Variants in CAPN5 observed in about 807,000 individuals in gnomAD.
The protein encoded by CAPN5 is calpain-5.
In CAPN5, 54 loss-of-function variants were observed where a neutral mutation model predicts 73.0. The ratio of observed to expected loss-of-function variants is 0.74; its 90% CI spans 0.59 to 0.93. The LOEUF (loss-of-function observed/expected upper bound fraction) is 0.93, where lower values mean the gene tolerates loss of function less well. CAPN5 is among the 40% of genes least tolerant of loss of function. The probability of loss-of-function intolerance (pLI) is 0.00; values close to 1 mark genes in which losing one functional copy is unlikely to be tolerated. For synonymous variants in CAPN5, 335 were observed against 356.9 expected (o/e 0.94, Z 0.69); for missense variants, 785 against 882.9 (o/e 0.89, Z 1.41).
At chr11:77,110,897 T>C (rs1388720062) in intron 3 of CAPN5, among the ~76,000 whole-genome samples, 1 of 152,174 alleles carries the variant, frequency 6.6e-6, no homozygotes, top group Non-Finnish European at 1.5e-5. Context: ...GGTGTGCCTC[T>C]GGTTCCTCCG....
intron 3 of CAPN5, among the ~76,000 whole-genome samples, chr11:77,112,092 G>T (rs190253475): frequency 1.3e-5 from 2 of 152,276 alleles, no homozygotes; most frequent in Admixed American, 1.3e-4. Context: ...GTCCCTGGGC[G>T]AGGAGATGGG....
Position 77,125,042 on chromosome 11 carries a change from G to C in CAPN5, c.*1172G>C, listed in dbSNP as rs1232381863. 4.6e-5 allele frequency: 7 copies of C among 152,284 alleles called. No homozygotes were observed. The highest frequency in any genetic ancestry group is 1.0e-4 in the Non-Finnish European group (7 of 68,042). 9.4% of individuals were successfully genotyped at this position (152,284 alleles called of 1,614,324 possible). A position where few individuals can be genotyped will look rare whatever the true frequency, so the allele number is the denominator to read the frequency against. On this transcript the variant is annotated 3_prime_UTR_variant, in exon 13 of 13. Transcript: ENST00000648180. ...GGTTTTAAAAGAAAATTGAAAGCCT[G>C]AACCTCCATTTTTCTTCTTGGCTCC...
intron 12 of CAPN5, among the ~76,000 whole-genome samples, chr11:77,123,216 A>G (rs917998118): frequency 6.6e-6 from 1 of 152,162 alleles, no homozygotes; most frequent in African/African-American, 2.4e-5. Flanking sequence ...CTTGATCAGC[A>G]TCTCTCTCAG....
At chr11:77,107,393 G>A (rs2135466102) in intron 3 of CAPN5, among the ~76,000 whole-genome samples, 1 of 152,238 alleles carries the variant, frequency 6.6e-6, no homozygotes, top group African/African-American at 2.4e-5. Context: ...GGGGTCCCAG[G>A]CAGAAATGTG....
Position 77,115,942 on chromosome 11 carries a change from A to T in CAPN5, c.894-284A>T, listed in dbSNP as rs939540717. Among the ~76,000 whole-genome samples, 7 of 152,062 alleles carry T rather than the reference A, an allele frequency of 4.6e-5. No homozygotes were observed. The East Asian group carries it at 1.4e-3, about 29-fold the overall frequency. ...GTGGAGCCCAGGTGCTAAGTGAAGG[A>T]GCCCTCTTCACTGGGGGTCGCACCC... On this transcript the variant is annotated intron_variant, in intron 6 of 12. Transcript: ENST00000648180.
intron 3 of CAPN5, among the ~76,000 whole-genome samples, chr11:77,105,316 C>G (rs1335276605): frequency 6.6e-6 from 1 of 152,144 alleles, no homozygotes; most frequent in Non-Finnish European, 1.5e-5. Flanking sequence ...CCCTTGCCAC[C>G]TTCCAAGGAG....
intron 1 of CAPN5, among the ~76,000 whole-genome samples, chr11:77,081,068 C>A (rs930879355): frequency 1.3e-5 from 2 of 152,152 alleles, no homozygotes; most frequent in African/African-American, 4.8e-5. Flanking sequence ...AGTGAGCCTT[C>A]CCTGGAGATG....
At chr11:77,088,251 G>A (rs1049585455) in intron 2 of CAPN5, among the ~76,000 whole-genome samples, 1 of 152,008 alleles carries the variant, frequency 6.6e-6, no homozygotes, top group Non-Finnish European at 1.5e-5. Context: ...AGTCTCGGGG[G>A]CCCCAGCCTC....
chr11:77,122,064 G>A lies in CAPN5; in HGVS notation c.1603+15G>A. 1 of 1,474,764 alleles carries A rather than the reference G, an allele frequency of 6.8e-7. No homozygotes were observed. The highest frequency in any genetic ancestry group is 2.5e-5 in the East Asian group (1 of 40,040). The allele number at this position is 1,474,764 out of a possible 1,614,324, so 91.4% of individuals were successfully genotyped here. ...CTCCCCAACAGGTGAGCTCTCCCAG[G>A]GAGAGTCCCCCGGCCCTCCTGCCAG... On this transcript the variant is annotated intron_variant, in intron 11 of 12. Coordinates refer to ENST00000648180, the MANE Select transcript of CAPN5 (RefSeq NM_004055.5).
Position 77,118,323 on chromosome 11 carries a change from C to T in CAPN5, c.1138C>T (p.His380Tyr). ...RQNRGGGCIN[H>Y]KDTFFQNPQY... ...GAACCGCGGTGGCGGCTGCATCAACCACAAGGACACCTTCTTCCAGAACCC... is the reference window on the plus strand; with the variant it reads ...GAACCGCGGTGGCGGCTGCATCAACTACAAGGACACCTTCTTCCAGAACCC... Residue 380 changes from histidine to tyrosine, a missense_variant, in exon 8 of 13, where the codon CAC becomes TAC. By Grantham distance (83) the His-to-Tyr change is moderately conservative (BLOSUM62 2). Transcript: ENST00000648180. The T allele has an allele frequency of 6.2e-7, 1 of 1,602,210 alleles. No homozygotes were observed. Among genetic ancestry groups the T allele is most frequent in the South Asian group, 1.1e-5 (1 of 89,528 alleles).
rs551258268 is a variant in CAPN5 at position 77,076,646 on chromosome 11, C to T, written c.-35-8206C>T. Reference sequence around the variant, plus strand: ...GTCTTTCTGTGTCTGGCTTATTTCACTTAGTATATTGCCTTCCTCGTTTAT... The same window carrying T: ...GTCTTTCTGTGTCTGGCTTATTTCATTTAGTATATTGCCTTCCTCGTTTAT... On this transcript the variant is annotated intron_variant, in intron 1 of 12. Coordinates refer to ENST00000648180, the MANE Select transcript of CAPN5 (RefSeq NM_004055.5). Among the ~76,000 whole-genome samples, 37 of 152,298 alleles carry T rather than the reference C, an allele frequency of 2.4e-4. No individual in the cohort carries two copies. In the South Asian group the frequency reaches 7.7e-3, roughly 32 times the overall value.
chr11:77,120,770 A>T lies in CAPN5; in HGVS notation c.1348A>T (p.Ile450Phe). ...CCTGCAGCACAAGGCCGCCAGCTCC[A>T]TCTACATCAACTCACGCAGCGTCTT... ...HSLQHKAASS[I>F]YINSRSVFLR... The change falls in exon 10 of 13, where the codon ATC becomes TTC. Residue 450 changes from isoleucine (I) to phenylalanine (F), a missense_variant. Transcript: ENST00000648180. 2 of 1,614,014 alleles carry T rather than the reference A, an allele frequency of 1.2e-6. No individual in the cohort carries two copies. Among genetic ancestry groups the T allele is most frequent in the Non-Finnish European group, 1.7e-6 (2 of 1,179,976 alleles).
At chr11:77,118,016 T>G (rs1487411941) in intron 7 of CAPN5, 141 bp from the exon 8 acceptor site, 1 of 679,292 alleles carries the variant, frequency 1.5e-6, no homozygotes, top group East Asian at 2.7e-5. Context: ...TGTGCCCTTG[T>G]GTGGGCTTAG....
At chr11:77,092,678 T>C (rs782721886) in intron 2 of CAPN5, among the ~76,000 whole-genome samples, 1 of 152,208 alleles carries the variant, frequency 6.6e-6, no homozygotes, top group Non-Finnish European at 1.5e-5. Flanking sequence ...CCAGTCTCTG[T>C]AGAAAATAAA....
chr11:77,115,597 TG>T lies in CAPN5; in HGVS notation c.893+13del, dbSNP rs782751475. ...GGGCCCTGGAGTGACACGTGAGGCC[TG>T]GGGATGGGGGTGCAGGCACAGGGCA... is the stretch of plus-strand genomic sequence containing the variant. On this transcript the variant is annotated intron_variant, in intron 6 of 12. Coordinates refer to ENST00000648180, the MANE Select transcript of CAPN5 (RefSeq NM_004055.5). 6.2e-7 allele frequency: 1 copy of T among 1,601,914 alleles called. No homozygotes were observed. The highest frequency in any genetic ancestry group is 8.5e-7 in the Non-Finnish European group (1 of 1,172,198).
intron 2 of CAPN5, among the ~76,000 whole-genome samples, chr11:77,086,839 G>A (rs782146503): frequency 7.2e-5 from 11 of 152,232 alleles, no homozygotes; most frequent in South Asian, 2.1e-4. Flanking sequence ...GGCTTGCTGC[G>A]GTGAGAGGAG....
chr11:77,122,814 G>T (rs1395353367), intron 12 of CAPN5, 102 bp downstream of exon 12: 79 of 1,449,832 alleles, frequency 5.4e-5, no homozygotes, highest in Non-Finnish European at 6.9e-5. Context: ...GAGGACCCAG[G>T]CATGCTGGGC....
At chr11:77,090,444 G>A (rs530352740) in intron 2 of CAPN5, among the ~76,000 whole-genome samples, 6 of 152,340 alleles carry the variant, frequency 3.9e-5, no homozygotes, top group South Asian at 4.1e-4. Flanking sequence ...TCTGCACCTC[G>A]GGTCTGCCCC....
rs1219354978 is a variant in CAPN5, at chr11:77,120,778, C to A, written c.1356C>A (p.Ile452=). Residue 452 remains isoleucine (I), a synonymous_variant, in exon 10 of 13, where the codon ATC becomes ATA. Transcript: ENST00000648180. ...LQHKAASSIY[I]NSRSVFLRTD... Reference sequence around the variant, plus strand: ...ACAAGGCCGCCAGCTCCATCTACATCAACTCACGCAGCGTCTTCCTGCGCA... The same window carrying A: ...ACAAGGCCGCCAGCTCCATCTACATAAACTCACGCAGCGTCTTCCTGCGCA... The A allele has an allele frequency of 2.5e-6, 4 of 1,613,972 alleles. No homozygotes were observed. The African/African-American group carries it at 5.3e-5, about 22-fold the overall frequency.
Sources: allele counts gnomAD v4.1 joint callset (sites outside exome capture counted in the v4.1 genomes callset), GRCh38; gene constraint gnomAD v4.1.1; transcripts MANE v1.5; gene names NCBI Gene and HGNC (gene_info 2026-07-23, HGNC 2026-07-21).